Variants in PPP1R12B observed in about 807,000 individuals in gnomAD.
PPP1R12B encodes the protein protein phosphatase 1 regulatory subunit 12B, also known as myosin phosphatase target subunit 2.
In PPP1R12B, 76 loss-of-function variants were observed where a neutral mutation model predicts 126.1. That is an observed-to-expected ratio of 0.60 (90% CI 0.50 to 0.73). The LOEUF (loss-of-function observed/expected upper bound fraction) is 0.73, where lower values mean the gene tolerates loss of function less well. PPP1R12B is among the 30% of genes least tolerant of loss of function. PPP1R12B has a pLI of 0.00. For missense variants in PPP1R12B, 1,052 were observed against 1,205.1 expected (o/e 0.87, Z 1.88); for synonymous variants, 356 against 434.7 (o/e 0.82, Z 2.25).
At chr1:202,474,339 G>A (rs1676354060) in intron 13 of PPP1R12B, among the ~76,000 whole-genome samples, 2 of 151,676 alleles carry the variant, frequency 1.3e-5, no homozygotes, top group African/African-American at 2.4e-5. Context: ...CCAGGTTGGA[G>A]TGCAGTGGTG....
rs1406813788 is a variant in PPP1R12B at position 202,589,921 on chromosome 1, TAA to T, written c.*9363_*9364del. 1 of 152,096 alleles carries T rather than the reference TAA, an allele frequency of 6.6e-6. No individual in the cohort carries two copies. Among genetic ancestry groups the T allele is most frequent in the Non-Finnish European group, 1.5e-5 (1 of 68,048 alleles). The allele number at this position is 152,096 out of a possible 1,614,324, so 9.4% of individuals were successfully genotyped here. A position where few individuals can be genotyped will look rare whatever the true frequency, so the allele number is the denominator to read the frequency against. On this transcript the variant is annotated 3_prime_UTR_variant, in exon 24 of 24. Coordinates refer to ENST00000608999, the MANE Select transcript of PPP1R12B (RefSeq NM_002481.4). The stretch of plus-strand genomic sequence containing the variant: ...TGTTCCTGGAGGACAGGTGCTGGTG[TAA>T]ACTGACAAAAATGGTAGCTGCTGGT...
intron 8 of PPP1R12B, among the ~76,000 whole-genome samples, chr1:202,433,236 A>AG (rs1184528617): frequency 8.5e-5 from 13 of 152,220 alleles, no homozygotes. Flanking sequence ...ATTTGCAACA[A>AG]GTATCTGAAC....
At chr1:202,493,590 A>G (rs1275400479) in intron 15 of PPP1R12B, among the ~76,000 whole-genome samples, 2 of 152,246 alleles carry the variant, frequency 1.3e-5, no homozygotes, top group African/African-American at 4.8e-5. Flanking sequence ...AAATGCAAAT[A>G]AAAATATAAG....
intron 18 of PPP1R12B, among the ~76,000 whole-genome samples, chr1:202,499,240 A>G (rs1679925830): frequency 6.6e-6 from 1 of 152,150 alleles, no homozygotes; most frequent in Admixed American, 6.5e-5. Context: ...AAAAGATAGA[A>G]ATCAACCAGC....
intron 1 of PPP1R12B, among the ~76,000 whole-genome samples, chr1:202,370,622 C>T (rs556061600): frequency 1.1e-4 from 17 of 152,048 alleles, no homozygotes; most frequent in African/African-American, 2.7e-4. Context: ...CTGCAACCTC[C>T]GCCTCCCGGG....
In PPP1R12B at chr1:202,510,012, C is replaced by CT. The variant is rs140537318; in HGVS notation, c.2490+13193dup. On this transcript the variant is annotated intron_variant, in intron 18 of 23. Transcript: ENST00000608999. Reference sequence around the variant, plus strand: ...TGTGCCAAATAAACAAAATCAGATCCTTTCTTGAGAATAAATGTTCACACA... The same window carrying CT: ...TGTGCCAAATAAACAAAATCAGATCCTTTTCTTGAGAATAAATGTTCACACA... 5.6e-3 allele frequency among the ~76,000 whole-genome samples: 856 copies of CT among 152,264 alleles called. 8 individuals are homozygous for CT. Among genetic ancestry groups the CT allele is most frequent in the African/African-American group, 0.02 (825 of 41,564 alleles).
At chr1:202,350,768 C>G (rs1655807137) in intron 1 of PPP1R12B, among the ~76,000 whole-genome samples, 1 of 151,918 alleles carries the variant, frequency 6.6e-6, no homozygotes, top group Non-Finnish European at 1.5e-5. Flanking sequence ...TTACAGGCGC[C>G]TGCCACCACG....
chr1:202,372,573 A>G (rs952779292), intron 1 of PPP1R12B, among the ~76,000 whole-genome samples: 15 of 151,988 alleles, frequency 9.9e-5, no homozygotes, highest in Non-Finnish European at 4.4e-5. Flanking sequence ...GCACTTTGGG[A>G]GGCTGGGCAA....
chr1:202,537,852 G>T (rs1186068406), intron 18 of PPP1R12B, among the ~76,000 whole-genome samples: 2 of 152,168 alleles, frequency 1.3e-5, no homozygotes, highest in Non-Finnish European at 2.9e-5. Flanking sequence ...TAGTATTTAG[G>T]TTTACATCAG....
intron 20 of PPP1R12B, among the ~76,000 whole-genome samples, chr1:202,563,938 T>C (rs1011908325): frequency 2.0e-5 from 3 of 152,054 alleles, no homozygotes; most frequent in Non-Finnish European, 2.9e-5. Flanking sequence ...GCATGGTGGC[T>C]CATGCCTGTA....
intron 18 of PPP1R12B, among the ~76,000 whole-genome samples, chr1:202,524,050 T>C (rs1259070811): frequency 6.6e-6 from 1 of 152,184 alleles, no homozygotes; most frequent in Admixed American, 6.5e-5. Flanking sequence ...TTCAAGCTAC[T>C]CTGTTGAGAT....
At chr1:202,375,632 T>C (rs1661055394) in intron 1 of PPP1R12B, among the ~76,000 whole-genome samples, 1 of 152,246 alleles carries the variant, frequency 6.6e-6, no homozygotes, top group Non-Finnish European at 1.5e-5. Flanking sequence ...GGTGTAATCA[T>C]AGCTCACTGT....
At chr1:202,524,820 T>C (rs1013987925) in intron 18 of PPP1R12B, among the ~76,000 whole-genome samples, 2 of 152,250 alleles carry the variant, frequency 1.3e-5, no homozygotes, top group African/African-American at 4.8e-5. Flanking sequence ...CAGATTGTGC[T>C]GCTGTAAACA....
Position 202,431,534 on chromosome 1 carries a change from A to G in PPP1R12B, c.1056A>G (p.Glu352=). Reference sequence around the variant, plus strand: ...CACCTAAGTCCCAAGAAATGGAGGAAGAAAATAAAGAATCTAGTAGCTCCA... The same window carrying G: ...CACCTAAGTCCCAAGAAATGGAGGAGGAAAATAAAGAATCTAGTAGCTCCA... ...EETPKSQEME[E]ENKESSSSSS... The change falls in exon 8 of 24, where the codon GAA becomes GAG. Residue 352 remains glutamate, a synonymous_variant. Transcript: ENST00000608999. 2 of 1,613,588 alleles carry G rather than the reference A, an allele frequency of 1.2e-6. No homozygotes were observed. The highest frequency in any genetic ancestry group is 1.7e-6 in the Non-Finnish European group (2 of 1,179,782).
chr1:202,352,627 G>C (rs1233410774), intron 1 of PPP1R12B, among the ~76,000 whole-genome samples: 6 of 152,100 alleles, frequency 3.9e-5, no homozygotes, highest in Non-Finnish European at 1.5e-5. Context: ...GGTGGCTCAC[G>C]CTTGTAATCC....
At chr1:202,434,525 T>G (rs1239256683) in intron 8 of PPP1R12B, 131 bp from the exon 9 acceptor site, 1 of 1,177,960 alleles carries the variant, frequency 8.5e-7, no homozygotes, top group African/African-American at 1.6e-5. Context: ...TTAGTTTATA[T>G]CCAAGCATTA....
chr1:202,471,983 C>T (rs962162593), intron 13 of PPP1R12B: 33 of 1,596,148 alleles, frequency 2.1e-5, no homozygotes, highest in African/African-American at 1.1e-4. Flanking sequence ...GGCTAAAGAC[C>T]GTGGTGATTT....
intron 1 of PPP1R12B, among the ~76,000 whole-genome samples, chr1:202,405,525 A>C (rs1666483352): frequency 6.6e-6 from 1 of 152,230 alleles, no homozygotes; most frequent in Admixed American, 6.5e-5. Flanking sequence ...TAATAATAGC[A>C]GCTAACACGT....
At chr1:202,475,416 G>A (rs1259358887) in intron 13 of PPP1R12B, among the ~76,000 whole-genome samples, 4 of 152,162 alleles carry the variant, frequency 2.6e-5, no homozygotes, top group African/African-American at 9.7e-5. Flanking sequence ...GAAATGTCAG[G>A]GGATGCTAGG....
Sources: gnomAD v4.1 joint callset for allele counts (sites outside exome capture counted in the v4.1 genomes callset) on GRCh38, gnomAD v4.1.1 for gene constraint, MANE v1.5 for transcripts, NCBI Gene and HGNC (gene_info 2026-07-23, HGNC 2026-07-21) for gene names.